The following LRRC4C variants were observed in gnomAD, a reference collection of about 807,000 sequenced individuals.
LRRC4C encodes leucine-rich repeat-containing protein 4C.
LRRC4C carries 5 observed loss-of-function variants against 33.6 expected under a neutral mutation model. The ratio of observed to expected loss-of-function variants is 0.15; its 90% CI spans 0.08 to 0.31. The LOEUF (loss-of-function observed/expected upper bound fraction) is 0.31. Among genes scored for constraint, LRRC4C ranks in the 10% least tolerant of loss-of-function variants. The probability of loss-of-function intolerance (pLI) is 1.00; values close to 1 mark genes in which losing one functional copy is unlikely to be tolerated. For synonymous variants in LRRC4C, 329 were observed against 302.0 expected, an observed-to-expected ratio of 1.09 and a Z score of -0.93; for missense variants, 560 against 796.7, an observed-to-expected ratio of 0.70 and a Z score of 3.58.
At chr11:40,450,415 G>A (rs951662949) in intron 3 of LRRC4C, among the ~76,000 whole-genome samples, 2 of 152,094 alleles carry the variant, frequency 1.3e-5, no homozygotes, top group African/African-American at 4.8e-5. Flanking sequence ...CTATATTATA[G>A]CTCATAGGTA....
At chr11:40,376,408 T>C (rs552422549) in intron 3 of LRRC4C, among the ~76,000 whole-genome samples, 1 of 152,278 alleles carries the variant, frequency 6.6e-6, no homozygotes, top group African/African-American at 2.4e-5. Context: ...AGAGACGACA[T>C]CTGTTAGAAT....
chr11:40,552,966 C>A (rs1052891822), intron 3 of LRRC4C, among the ~76,000 whole-genome samples: 1 of 151,990 alleles, frequency 6.6e-6, no homozygotes, highest in Admixed American at 6.6e-5. Context: ...TATGCATATA[C>A]CTGCATATAA....
chr11:41,395,490 C>T (rs564492979), intron 1 of LRRC4C, among the ~76,000 whole-genome samples: 9 of 151,892 alleles, frequency 5.9e-5, no homozygotes, highest in South Asian at 2.1e-4. Flanking sequence ...TCATTTTGTG[C>T]ACCATAATTG....
intron 3 of LRRC4C, among the ~76,000 whole-genome samples, chr11:40,633,377 C>CTCTCTCTT (rs1555125605): frequency 8.6e-5 from 3 of 34,800 alleles, no homozygotes; most frequent in African/African-American, 3.7e-4. Context: ...TTCTTTCTCT[C>CTCTCTCTT]TCTTTCTTTC....
At chr11:40,722,435 T>G (rs1947066681) in intron 2 of LRRC4C, among the ~76,000 whole-genome samples, 1 of 152,072 alleles carries the variant, frequency 6.6e-6, no homozygotes, top group Non-Finnish European at 1.5e-5. Flanking sequence ...ACTACACTGC[T>G]TCAAAATGTA....
At chr11:40,713,457 AAT>A (rs1261732347) in intron 2 of LRRC4C, among the ~76,000 whole-genome samples, 4 of 152,184 alleles carry the variant, frequency 2.6e-5, no homozygotes, top group Non-Finnish European at 5.9e-5. Context: ...TATGCAGACT[AAT>A]ATGTCAGGAT....
chr11:40,524,644 G>T (rs998838753), intron 3 of LRRC4C, among the ~76,000 whole-genome samples: 1 of 152,202 alleles, frequency 6.6e-6, no homozygotes, highest in Non-Finnish European at 1.5e-5. Flanking sequence ...GCTGAGGATT[G>T]TATTATGTTT....
At chr11:40,470,566 G>A (rs1002696132) in intron 3 of LRRC4C, among the ~76,000 whole-genome samples, 2 of 152,178 alleles carry the variant, frequency 1.3e-5, no homozygotes, top group African/African-American at 4.8e-5. Flanking sequence ...GGCTTCAGAA[G>A]GTGGGTAATA....
At chr11:40,890,709 C>G (rs139657475) in intron 2 of LRRC4C, among the ~76,000 whole-genome samples, 76 of 152,032 alleles carry the variant, frequency 5.0e-4, no homozygotes, top group African/African-American at 1.8e-3. Flanking sequence ...ATTTACCAAG[C>G]TCGTTAAGTA....
intron 2 of LRRC4C, among the ~76,000 whole-genome samples, chr11:40,928,374 G>A (rs978715268): frequency 1.3e-5 from 2 of 151,664 alleles, no homozygotes; most frequent in Non-Finnish European, 1.5e-5. Flanking sequence ...GCATTTAATT[G>A]AGGCACATCA....
intron 2 of LRRC4C, among the ~76,000 whole-genome samples, chr11:40,726,285 C>T (rs1274160776): frequency 6.6e-6 from 1 of 151,894 alleles, no homozygotes; most frequent in Non-Finnish European, 1.5e-5. Flanking sequence ...AGGATGGATG[C>T]CTCTCTAACT....
At chr11:41,001,573 G>T (rs1362707715) in intron 1 of LRRC4C, among the ~76,000 whole-genome samples, 1 of 151,350 alleles carries the variant, frequency 6.6e-6, no homozygotes, top group African/African-American at 2.4e-5. Flanking sequence ...CTTAAATCTG[G>T]TCTGTTTTGT....
intron 1 of LRRC4C, among the ~76,000 whole-genome samples, chr11:41,185,917 C>T (rs996871304): frequency 6.6e-6 from 1 of 151,220 alleles, no homozygotes; most frequent in Admixed American, 6.6e-5. Context: ...TGTATTAACA[C>T]CTATATAAAA....
intron 4 of LRRC4C, among the ~76,000 whole-genome samples, chr11:40,275,872 G>A (rs1943065548): frequency 6.6e-6 from 1 of 152,174 alleles, no homozygotes; most frequent in Non-Finnish European, 1.5e-5. Flanking sequence ...AAGGCATGAA[G>A]GTGAGGACCC....
chr11:40,273,597 C>T (rs987763079), intron 4 of LRRC4C, among the ~76,000 whole-genome samples: 2 of 152,076 alleles, frequency 1.3e-5, no homozygotes, highest in African/African-American at 2.4e-5. Flanking sequence ...TATTACAAAC[C>T]ATGTTCCAGT....
At chr11:40,641,207 A>C (rs1942101683) in intron 3 of LRRC4C, among the ~76,000 whole-genome samples, 1 of 152,008 alleles carries the variant, frequency 6.6e-6, no homozygotes, top group Non-Finnish European at 1.5e-5. Context: ...CAATATTCCA[A>C]ATGTTGGGCG....
intron 3 of LRRC4C, among the ~76,000 whole-genome samples, chr11:40,555,518 A>AGAT (rs1410471571): frequency 2.6e-5 from 4 of 152,212 alleles, no homozygotes; most frequent in African/African-American, 7.2e-5. Flanking sequence ...GCTCTCACTC[A>AGAT]GATGCAGACT....
rs185483057 is a variant in LRRC4C, at chr11:40,687,883, A to G, written c.-406-39605T>C. ...GGCATAGAATTAAACTTTACAAACAATGAGAACATCTTACTCAATAGCTAA... is the reference window on the plus strand; with the variant it reads ...GGCATAGAATTAAACTTTACAAACAGTGAGAACATCTTACTCAATAGCTAA... On this transcript the variant is annotated intron_variant, in intron 2 of 6. Transcript: ENST00000528697. 5.2e-3 allele frequency among the ~76,000 whole-genome samples: 792 copies of G among 152,258 alleles called. 4 individuals carry two copies. Among genetic ancestry groups the G allele is most frequent in the Non-Finnish European group, 6.9e-3 (467 of 67,996 alleles).
chr11:40,811,154 C>CT (rs915174141), intron 2 of LRRC4C, among the ~76,000 whole-genome samples: 3 of 151,870 alleles, frequency 2.0e-5, no homozygotes, highest in Non-Finnish European at 2.9e-5. Context: ...CTTTCTTTTT[C>CT]TTTTTTTTCC....
Sources: gnomAD v4.1 joint callset for allele counts (sites outside exome capture counted in the v4.1 genomes callset) on GRCh38, gnomAD v4.1.1 for gene constraint, MANE v1.5 for transcripts, NCBI Gene and HGNC (gene_info 2026-07-23, HGNC 2026-07-21) for gene names.